The following GRM5 variants were observed in gnomAD, a reference collection of about 807,000 sequenced individuals.
GRM5 encodes metabotropic glutamate receptor 5.
In GRM5, 19 loss-of-function variants were observed where a neutral mutation model predicts 83.1. The ratio of observed to expected loss-of-function variants is 0.23; its 90% CI spans 0.16 to 0.34. GRM5 has a LOEUF of 0.34. Among genes scored for constraint, GRM5 ranks in the 10% least tolerant of loss-of-function variants. The pLI is 1.00. For missense variants in GRM5, 1,160 were observed against 1,588.3 expected, an observed-to-expected ratio of 0.73 and a Z score of 4.58; for synonymous variants, 675 against 633.6, an observed-to-expected ratio of 1.07 and a Z score of -0.98.
At chr11:88,761,089 A>G (rs193097070) in intron 3 of GRM5, among the ~76,000 whole-genome samples, 8 of 152,308 alleles carry the variant, frequency 5.3e-5, no homozygotes, top group African/African-American at 1.9e-4. Context: ...CCCACAGCCA[A>G]CACCATACTG....
intron 2 of GRM5, among the ~76,000 whole-genome samples, chr11:89,015,211 A>G (rs1421055025): frequency 6.6e-6 from 1 of 152,218 alleles, no homozygotes; most frequent in Admixed American, 6.5e-5. Flanking sequence ...TCATAAGCCT[A>G]TTTCAAAGGA....
At chr11:89,010,675 T>C (rs1285502099) in intron 2 of GRM5, among the ~76,000 whole-genome samples, 2 of 151,656 alleles carry the variant, frequency 1.3e-5, no homozygotes, top group African/African-American at 2.4e-5. Context: ...TTAAAAATTA[T>C]TGATATAAAC....
intron 3 of GRM5, among the ~76,000 whole-genome samples, chr11:88,659,168 A>G (rs1939840529): frequency 6.6e-6 from 1 of 152,176 alleles, no homozygotes; most frequent in Non-Finnish European, 1.5e-5. Context: ...GTAAAGGAGC[A>G]TTTTTAATGA....
intron 8 of GRM5, among the ~76,000 whole-genome samples, chr11:88,542,541 A>T (rs1483234066): frequency 2.0e-5 from 3 of 152,206 alleles, no homozygotes. Flanking sequence ...TATTGGTCAC[A>T]AAGTTTATAA....
chr11:88,994,448 TA>T (rs1565326505), intron 2 of GRM5, among the ~76,000 whole-genome samples: 41 of 17,164 alleles, frequency 2.4e-3, no homozygotes, highest in African/African-American at 8.4e-3. Flanking sequence ...TAACTGATTA[TA>T]TATATATATA....
intron 3 of GRM5, among the ~76,000 whole-genome samples, chr11:88,657,495 C>A (rs545884963): frequency 3.9e-5 from 6 of 152,254 alleles, no homozygotes; most frequent in African/African-American, 1.2e-4. Context: ...TACTTAGATC[C>A]TTTAAATATT....
intron 2 of GRM5, among the ~76,000 whole-genome samples, chr11:88,874,998 T>C (rs1247385960): frequency 6.6e-6 from 1 of 151,912 alleles, no homozygotes; most frequent in Admixed American, 6.6e-5. Context: ...TGGCTACTGA[T>C]TGATCAGGGC....
intron 2 of GRM5, among the ~76,000 whole-genome samples, chr11:89,018,624 G>A (rs1940913137): frequency 6.6e-6 from 1 of 152,106 alleles, no homozygotes; most frequent in Non-Finnish European, 1.5e-5. Context: ...AGAACATTTA[G>A]TTCTGTGAAA....
intron 2 of GRM5, among the ~76,000 whole-genome samples, chr11:89,025,099 T>A (rs866694056): frequency 2.6e-5 from 4 of 152,240 alleles, no homozygotes; most frequent in African/African-American, 9.6e-5. Context: ...CTTCATTTTT[T>A]CTTCTGTATC....
chr11:88,560,349 C>T (rs1392214714), intron 8 of GRM5, among the ~76,000 whole-genome samples: 5 of 152,078 alleles, frequency 3.3e-5, no homozygotes, highest in African/African-American at 7.2e-5. Context: ...TCTCTATAGG[C>T]TCCTATCATG....
At chr11:89,028,825 G>A (rs190287074) in intron 2 of GRM5, among the ~76,000 whole-genome samples, 1 of 152,194 alleles carries the variant, frequency 6.6e-6, no homozygotes, top group Non-Finnish European at 1.5e-5. Flanking sequence ...GAGTACATGT[G>A]CAGAACATGA....
chr11:89,034,089 T>A (rs1039881929), intron 2 of GRM5, among the ~76,000 whole-genome samples: 1 of 151,726 alleles, frequency 6.6e-6, no homozygotes, highest in African/African-American at 2.4e-5. Context: ...TGTTTCACTG[T>A]TAAATAAGCC....
intron 2 of GRM5, among the ~76,000 whole-genome samples, chr11:89,004,144 T>C (rs1940462738): frequency 6.6e-6 from 1 of 150,768 alleles, no homozygotes; most frequent in Admixed American, 6.6e-5. Flanking sequence ...CTTCGCAAAT[T>C]AATAGGTACT....
intron 3 of GRM5, among the ~76,000 whole-genome samples, chr11:88,653,777 T>C (rs1939697130): frequency 6.6e-6 from 1 of 152,076 alleles, no homozygotes; most frequent in Admixed American, 6.6e-5. Context: ...TTAAATACAT[T>C]ATTTTCTTTG....
At chr11:88,754,777 T>G (rs1165110693) in intron 3 of GRM5, among the ~76,000 whole-genome samples, 1 of 152,124 alleles carries the variant, frequency 6.6e-6, no homozygotes, top group Non-Finnish European at 1.5e-5. Flanking sequence ...CCTCCTAAAT[T>G]CAAAGATGGG....
intron 8 of GRM5, among the ~76,000 whole-genome samples, chr11:88,562,416 T>C (rs7941714): frequency 0.054 from 8,186 of 152,220 alleles, 695 homozygotes; most frequent in African/African-American, 0.18. Flanking sequence ...ATTCTCACCG[T>C]GCAGGACCTC....
chr11:88,868,486 T>A (rs908112402), intron 2 of GRM5, among the ~76,000 whole-genome samples: 1 of 151,806 alleles, frequency 6.6e-6, no homozygotes, highest in African/African-American at 2.4e-5. Context: ...TAGTATTTTT[T>A]AATATTAATT....
At chr11:88,694,234 A>T (rs1270168023) in intron 3 of GRM5, among the ~76,000 whole-genome samples, 2 of 152,156 alleles carry the variant, frequency 1.3e-5, no homozygotes, top group Non-Finnish European at 1.5e-5. Context: ...TTTCCTTTTA[A>T]TTTATCAGCT....
intron 1 of GRM5, among the ~76,000 whole-genome samples, chr11:89,059,829 T>C (rs764552435): frequency 1.3e-5 from 2 of 152,162 alleles, no homozygotes; most frequent in Non-Finnish European, 2.9e-5. Context: ...TGTGCAGGTT[T>C]GTTACATATG....
Sources: allele counts gnomAD v4.1 joint callset (sites outside exome capture counted in the v4.1 genomes callset), GRCh38; gene constraint gnomAD v4.1.1; transcripts MANE v1.5; gene names NCBI Gene and HGNC (gene_info 2026-07-23, HGNC 2026-07-21).